Variants in ZNF84 observed in about 807,000 individuals in gnomAD.
ZNF84 encodes zinc finger protein HPF2.
A neutral mutation model predicts 14.8 loss-of-function variants in ZNF84; 12 were observed. The observed-to-expected ratio is 0.81, with a 90% CI of 0.52 to 1.31. The LOEUF (loss-of-function observed/expected upper bound fraction) is 1.31, where lower values mean the gene tolerates loss of function less well. ZNF84 is among the 50% of genes most tolerant of loss of function. The probability of loss-of-function intolerance (pLI) is 0.00; values close to 1 mark genes in which losing one functional copy is unlikely to be tolerated. For synonymous variants in ZNF84, 347 were observed against 291.1 expected (o/e 1.19, Z -1.96); for missense variants, 859 against 878.6 (o/e 0.98, Z 0.28).
At position 133,047,966 on chromosome 12, in the gene ZNF84, A is replaced by G; in HGVS notation, c.27A>G (p.Ser9=). MTMLQESF[S]FDDLSVDFTQ... is the part of the protein sequence containing the mutation. Reference sequence around the variant, plus strand: ...TTGTGCTCTTACAGGAGTCATTCTCATTTGACGATTTATCTGTGGACTTCA... The same window carrying G: ...TTGTGCTCTTACAGGAGTCATTCTCGTTTGACGATTTATCTGTGGACTTCA... Residue 9 remains serine, a synonymous_variant, in exon 3 of 5, where the codon TCA becomes TCG. Transcript: ENST00000539354. 6.2e-7 allele frequency: 1 copy of G among 1,613,984 alleles called. No homozygotes were observed. The highest frequency in any genetic ancestry group is 8.5e-7 in the Non-Finnish European group (1 of 1,179,922).
At chr12:133,055,782 G>T (rs1954144243) in intron 4 of ZNF84, among the ~76,000 whole-genome samples, 1 of 152,092 alleles carries the variant, frequency 6.6e-6, no homozygotes, top group Non-Finnish European at 1.5e-5. Flanking sequence ...AAACTTTTGA[G>T]ACCTGCTAAA....
rs1028219645 is a variant in ZNF84, at chr12:133,063,046, T to G, written c.*4114T>G. ...CTATCTTTTTTGTCTGTGTAATTTT[T>G]GCATCACAAGCTATATTTAAATGTG... On this transcript the variant is annotated 3_prime_UTR_variant, in exon 5 of 5. Coordinates refer to ENST00000539354, the MANE Select transcript of ZNF84 (RefSeq NM_001289971.2). 2 of 695,674 alleles carry G rather than the reference T, an allele frequency of 2.9e-6. No homozygotes were observed. Among genetic ancestry groups the G allele is most frequent in the Non-Finnish European group, 5.3e-6 (2 of 380,030 alleles). 43.1% of individuals were successfully genotyped at this position (695,674 alleles called of 1,614,324 possible).
intron 1 of ZNF84, chr12:133,037,772 G>C (rs932331984): frequency 7.9e-5 from 12 of 152,278 alleles, no homozygotes; most frequent in East Asian, 3.9e-4. Flanking sequence ...CGGAGGCGCC[G>C]CTCCTGGGCG....
At chr12:133,040,686 A>G (rs1953871694) in intron 1 of ZNF84, 1 of 152,144 alleles carries the variant, frequency 6.6e-6, no homozygotes, top group African/African-American at 2.4e-5. Flanking sequence ...ATGATTTTTT[A>G]AAACCCCTAT....
intron 4 of ZNF84, among the ~76,000 whole-genome samples, chr12:133,049,071 C>T (rs1302492489): frequency 6.6e-6 from 1 of 152,144 alleles, no homozygotes; most frequent in East Asian, 1.9e-4. Flanking sequence ...TTTGGTGGTG[C>T]CTCAGAACAA....
chr12:133,056,197 T>C (rs930829132), intron 4 of ZNF84, among the ~76,000 whole-genome samples: 2 of 152,208 alleles, frequency 1.3e-5, no homozygotes, highest in Non-Finnish European at 2.9e-5. Context: ...GTTTTAAAAA[T>C]ATTATCTTTT....
intron 4 of ZNF84, among the ~76,000 whole-genome samples, chr12:133,054,052 G>A (rs1408173323): frequency 3.9e-5 from 6 of 152,134 alleles, no homozygotes; most frequent in Non-Finnish European, 8.8e-5. Context: ...AATTTGAAAT[G>A]TAGATTTTTA....
rs1044251095 is a variant in ZNF84 at position 133,053,581 on chromosome 12, G to T, written c.239-3373G>T. On this transcript the variant is annotated intron_variant, in intron 4 of 4. Coordinates refer to ENST00000539354, the MANE Select transcript of ZNF84 (RefSeq NM_001289971.2). The stretch of plus-strand genomic sequence containing the variant: ...ATGGTGAGACCCCATCTCTACAAAA[G>T]AATTCTGAAAATTATCTTGAGCATG... Among the ~76,000 whole-genome samples, 344 of 152,002 alleles carry T rather than the reference G, an allele frequency of 2.3e-3. 2 individuals are homozygous for T. Among genetic ancestry groups the T allele is most frequent in the African/African-American group, 7.9e-3 (326 of 41,476 alleles).
rs1954271731 is a variant in ZNF84 at position 133,061,984 on chromosome 12, A to G, written c.*3052A>G. 6.6e-6 allele frequency: 1 copy of G among 152,190 alleles called. No individual in the cohort carries two copies. Among genetic ancestry groups the G allele is most frequent in the Non-Finnish European group, 1.5e-5 (1 of 68,016 alleles). The allele number at this position is 152,190 out of a possible 1,614,324, so 9.4% of individuals were successfully genotyped here. A position where few individuals can be genotyped will look rare whatever the true frequency, so the allele number is the denominator to read the frequency against. On this transcript the variant is annotated 3_prime_UTR_variant, in exon 5 of 5. Coordinates refer to ENST00000539354, the MANE Select transcript of ZNF84 (RefSeq NM_001289971.2). ...GCATTGCCCCTTATTGTTTCCTACC[A>G]CAAATTCTACATCAAGAAGAAAGTT... is the stretch of plus-strand genomic sequence containing the variant.
At chr12:133,053,914 C>G (rs1161106436) in intron 4 of ZNF84, among the ~76,000 whole-genome samples, 2 of 152,134 alleles carry the variant, frequency 1.3e-5, no homozygotes, top group Admixed American at 6.5e-5. Context: ...AATACATCAG[C>G]AAATCTTGTT....
chr12:133,058,530 G>C lies in ZNF84; in HGVS notation c.1815G>C (p.Arg605Ser), dbSNP rs889940791. 7.7e-5 allele frequency: 125 copies of C among 1,614,040 alleles called. 1 individual carries two copies. In the South Asian group the frequency reaches 1.3e-3, roughly 17 times the overall value. The change falls in exon 5 of 5, where the codon AGG (arginine) becomes AGC (serine). Residue 605 changes from arginine to serine, a missense_variant. Transcript: ENST00000539354. ...AACCCTATGAATGCAGTCTTTGTAGGAAAGCTTTTTTTGAGAAGTCGGAGC... is the reference window on the plus strand; with the variant it reads ...AACCCTATGAATGCAGTCTTTGTAGCAAAGCTTTTTTTGAGAAGTCGGAGC... ...GEKPYECSLCRKAFFEKSELI... is the reference protein window; with the variant it reads ...GEKPYECSLCSKAFFEKSELI...
At chr12:133,050,749 A>AC (rs1954055680) in intron 4 of ZNF84, among the ~76,000 whole-genome samples, 1 of 151,912 alleles carries the variant, frequency 6.6e-6, no homozygotes, top group Non-Finnish European at 1.5e-5. Context: ...CCCATCCTAC[A>AC]TTTTTCTCAG....
At chr12:133,044,177 C>G (rs1953937795) in intron 2 of ZNF84, among the ~76,000 whole-genome samples, 1 of 152,078 alleles carries the variant, frequency 6.6e-6, no homozygotes, top group South Asian at 2.1e-4. Flanking sequence ...CATGGTCTCA[C>G]TCTGTCACCC....
At chr12:133,049,715 T>C (rs1954041469) in intron 4 of ZNF84, among the ~76,000 whole-genome samples, 1 of 152,118 alleles carries the variant, frequency 6.6e-6, no homozygotes, top group East Asian at 1.9e-4. Flanking sequence ...ACTCCTGACC[T>C]TGTGATTCCC....
intron 2 of ZNF84, among the ~76,000 whole-genome samples, chr12:133,046,546 C>T (rs1953982479): frequency 1.3e-5 from 2 of 151,856 alleles, no homozygotes; most frequent in South Asian, 4.1e-4. Context: ...CTGTGCTCTC[C>T]TTTATTTCTT....
chr12:133,050,217 G>A (rs1954048733), intron 4 of ZNF84, among the ~76,000 whole-genome samples: 1 of 152,196 alleles, frequency 6.6e-6, no homozygotes. Flanking sequence ...CTACTGCTGT[G>A]GGTAGTGGAT....
chr12:133,057,621 G>T lies in ZNF84; in HGVS notation c.906G>T (p.Arg302=), dbSNP rs201672308. 1.4e-4 allele frequency: 222 copies of T among 1,614,140 alleles called. 1 individual carries two copies. In the South Asian group the frequency reaches 1.7e-3, roughly 12 times the overall value. ...GTGAATGTGGGAAAGCCTTCTCCCG[G>T]AAGTCACATCTCATATCGCATTGGA... is the stretch of plus-strand genomic sequence containing the variant. The part of the protein sequence containing the change: ...ECGECGKAFS[R]KSHLISHWRT... Residue 302 remains arginine, a synonymous_variant, in exon 5 of 5, where the codon CGG becomes CGT. Transcript: ENST00000539354.
Position 133,058,639 on chromosome 12 carries a change from C to T in ZNF84, c.1924C>T (p.Leu642Phe). The change falls in exon 5 of 5, where the codon CTC becomes TTC. Residue 642 changes from leucine (L) to phenylalanine (F), a missense_variant. Leu to Phe is a conservative substitution (Grantham distance 22, BLOSUM62 0). Transcript: ENST00000539354. ...CRKAFREKSSLINHQRIHTGE... is the reference protein window; with the variant it reads ...CRKAFREKSSFINHQRIHTGE... Reference sequence around the variant, plus strand: ...AAAAGCCTTCAGGGAGAAGTCAAGTCTCATCAATCATCAGAGAATACATAC... The same window carrying T: ...AAAAGCCTTCAGGGAGAAGTCAAGTTTCATCAATCATCAGAGAATACATAC... 6.2e-7 allele frequency: 1 copy of T among 1,614,184 alleles called. No individual in the cohort carries two copies. Among genetic ancestry groups the T allele is most frequent in the Middle Eastern group, 1.6e-4 (1 of 6,062 alleles).
At chr12:133,049,474 T>G (rs1954038318) in intron 4 of ZNF84, among the ~76,000 whole-genome samples, 1 of 152,022 alleles carries the variant, frequency 6.6e-6, no homozygotes, top group Non-Finnish European at 1.5e-5. Flanking sequence ...AATAATCCCT[T>G]TCTTGTTTTT....
Sources: allele counts gnomAD v4.1 joint callset (sites outside exome capture counted in the v4.1 genomes callset), GRCh38; gene constraint gnomAD v4.1.1; transcripts MANE v1.5; gene names NCBI Gene and HGNC (gene_info 2026-07-23, HGNC 2026-07-21).